The following NCKAP5 variants were observed in gnomAD, a reference collection of about 807,000 sequenced individuals.
NCKAP5 encodes the protein NCK associated protein 5.
In NCKAP5, 92 loss-of-function variants were observed where a neutral mutation model predicts 167.0. The ratio of observed to expected loss-of-function variants is 0.55; its 90% CI spans 0.47 to 0.66. The LOEUF (loss-of-function observed/expected upper bound fraction) is 0.66. Ranked by LOEUF, NCKAP5 falls within the 30% of genes least tolerant of loss-of-function variation. NCKAP5 has a pLI of 0.00. For synonymous variants in NCKAP5, 891 were observed against 877.4 expected (o/e 1.02, Z -0.27); for missense variants, 2,378 against 2,315.0 (o/e 1.03, Z -0.56).
chr2:133,241,098 G>A (rs1463963996), intron 4 of NCKAP5, among the ~76,000 whole-genome samples: 1 of 152,152 alleles, frequency 6.6e-6, no homozygotes, highest in Non-Finnish European at 1.5e-5. Flanking sequence ...AAGAAAACTG[G>A]TCTTTAGAGA....
rs757753181 is a variant in NCKAP5 at position 133,051,797 on chromosome 2, TA to T, written c.342-57559del. 1.8e-4 allele frequency among the ~76,000 whole-genome samples: 27 copies of T among 152,354 alleles called. 1 individual carries two copies. The highest frequency in any genetic ancestry group is 6.2e-4 in the South Asian group (3 of 4,828). ...ATCAAAAATGTTTAAGCATGGGTTC[TA>T]GAAAATGGTAGGCTCTCAATACATA... On this transcript the variant is annotated intron_variant, in intron 6 of 19. Coordinates refer to ENST00000409261, the MANE Select transcript of NCKAP5 (RefSeq NM_207363.3).
chr2:133,437,488 T>TA lies in NCKAP5; in HGVS notation c.69+79969dup, dbSNP rs565409748. Among the ~76,000 whole-genome samples, 17 of 152,270 alleles carry TA rather than the reference T, an allele frequency of 1.1e-4. No individual in the cohort carries two copies. The East Asian group carries it at 1.7e-3, about 16-fold the overall frequency. On this transcript the variant is annotated intron_variant, in intron 3 of 19. Transcript: ENST00000409261. ...AAACAAATGGACACATAGCCACTTG[T>TA]AAAAAAACGTGATTTTAGAGAGTAA...
chr2:132,803,102 C>T (rs1457954642), intron 11 of NCKAP5, among the ~76,000 whole-genome samples: 2 of 152,152 alleles, frequency 1.3e-5, no homozygotes, highest in East Asian at 3.8e-4. Flanking sequence ...TTGATTATGC[C>T]ATTATTTCCA....
intron 8 of NCKAP5, among the ~76,000 whole-genome samples, chr2:132,926,741 C>G (rs1159084064): frequency 6.6e-6 from 1 of 151,900 alleles, no homozygotes; most frequent in Non-Finnish European, 1.5e-5. Context: ...ATTTTTGTTG[C>G]TGTTGTTGAG....
chr2:133,401,936 C>G (rs191149018), intron 3 of NCKAP5, among the ~76,000 whole-genome samples: 1 of 152,142 alleles, frequency 6.6e-6, no homozygotes, highest in Admixed American at 6.5e-5. Flanking sequence ...CTACTCTAAT[C>G]TGCTTGTGGC....
chr2:132,914,790 TG>T (rs1694734308), intron 8 of NCKAP5, among the ~76,000 whole-genome samples: 1 of 152,150 alleles, frequency 6.6e-6, no homozygotes, highest in East Asian at 1.9e-4. Flanking sequence ...GAGACGTGAA[TG>T]CTGCTCAAGG....
chr2:133,160,042 T>C (rs927164197), intron 5 of NCKAP5, among the ~76,000 whole-genome samples: 1 of 152,204 alleles, frequency 6.6e-6, no homozygotes, highest in Admixed American at 6.5e-5. Context: ...AGCTTTTACA[T>C]AGCAATTTGA....
At chr2:133,004,828 A>G (rs2077905847) in intron 6 of NCKAP5, among the ~76,000 whole-genome samples, 1 of 152,186 alleles carries the variant, frequency 6.6e-6, no homozygotes, top group Non-Finnish European at 1.5e-5. Flanking sequence ...CTTCAACCGC[A>G]TAAGAGAGAC....
At chr2:133,395,009 A>C (rs1015380079) in intron 3 of NCKAP5, among the ~76,000 whole-genome samples, 3 of 152,272 alleles carry the variant, frequency 2.0e-5, no homozygotes, top group African/African-American at 7.2e-5. Flanking sequence ...AATGCCTGCC[A>C]GTAGTAAATA....
At chr2:133,112,695 C>T (rs2081955407) in intron 6 of NCKAP5, among the ~76,000 whole-genome samples, 1 of 152,216 alleles carries the variant, frequency 6.6e-6, no homozygotes, top group African/African-American at 2.4e-5. Flanking sequence ...CAGTAAGACT[C>T]AGAAGTATTG....
At chr2:132,699,727 C>A (rs1351954983) in intron 19 of NCKAP5, among the ~76,000 whole-genome samples, 1 of 152,196 alleles carries the variant, frequency 6.6e-6, no homozygotes, top group Non-Finnish European at 1.5e-5. Context: ...TCCAGTCTAT[C>A]ATTGATGGAC....
intron 5 of NCKAP5, among the ~76,000 whole-genome samples, chr2:133,197,881 C>A (rs547657547): frequency 1.3e-5 from 2 of 151,958 alleles, no homozygotes; most frequent in Non-Finnish European, 2.9e-5. Flanking sequence ...ATCCAGGAGG[C>A]GGAGATTGCA....
At chr2:132,856,105 A>G (rs1037337606) in intron 11 of NCKAP5, among the ~76,000 whole-genome samples, 3 of 152,344 alleles carry the variant, frequency 2.0e-5, no homozygotes, top group African/African-American at 2.4e-5. Context: ...CAAAGCTTGC[A>G]TAGACCACTG....
At chr2:133,471,036 C>T (rs1239211503) in intron 3 of NCKAP5, among the ~76,000 whole-genome samples, 1 of 152,248 alleles carries the variant, frequency 6.6e-6, no homozygotes, top group Non-Finnish European at 1.5e-5. Context: ...TGGCTCCTCC[C>T]CCCCTGCTTT....
chr2:132,986,663 G>C (rs1040581284), intron 7 of NCKAP5, among the ~76,000 whole-genome samples: 6 of 152,090 alleles, frequency 3.9e-5, no homozygotes, highest in Admixed American at 2.0e-4. Context: ...ATTTAAAGGA[G>C]ATTTCTTTTA....
chr2:133,450,138 C>T lies in NCKAP5; in HGVS notation c.69+67320G>A, dbSNP rs975934288. ...CTCAACACACACGCACACACACGCG[C>T]GTGCGTGCGTGCACACACACAACAA... On this transcript the variant is annotated intron_variant, in intron 3 of 19. Coordinates refer to ENST00000409261, the MANE Select transcript of NCKAP5 (RefSeq NM_207363.3). Among the ~76,000 whole-genome samples the T allele has an allele frequency of 8.3e-5, 12 of 143,792 alleles. No individual in the cohort carries two copies. The South Asian group carries it at 1.2e-3, about 15-fold the overall frequency. The allele number at this position is 143,792 out of a possible 152,430, so 94.3% of individuals were successfully genotyped here. A position where few individuals can be genotyped will look rare whatever the true frequency, so the allele number is the denominator to read the frequency against.
chr2:133,145,905 A>C (rs1574175967), intron 5 of NCKAP5, among the ~76,000 whole-genome samples: 1 of 152,256 alleles, frequency 6.6e-6, no homozygotes, highest in Non-Finnish European at 1.5e-5. Context: ...AATTTTTACA[A>C]GCTTCTTACA....
intron 19 of NCKAP5, among the ~76,000 whole-genome samples, chr2:132,686,252 T>C (rs1484027737): frequency 6.6e-6 from 1 of 152,150 alleles, no homozygotes; most frequent in Non-Finnish European, 1.5e-5. Flanking sequence ...AAGCTAAATT[T>C]TGAGTCCAGA....
intron 8 of NCKAP5, among the ~76,000 whole-genome samples, chr2:132,933,165 T>G (rs939667096): frequency 6.6e-6 from 1 of 152,122 alleles, no homozygotes; most frequent in Non-Finnish European, 1.5e-5. Context: ...GACCTCATGA[T>G]CTGCCCGCTG....
Sources: gnomAD v4.1 joint callset for allele counts (sites outside exome capture counted in the v4.1 genomes callset) on GRCh38, gnomAD v4.1.1 for gene constraint, MANE v1.5 for transcripts, NCBI Gene and HGNC (gene_info 2026-07-23, HGNC 2026-07-21) for gene names.